The following NSUN2 variants were observed in gnomAD, a reference collection of about 807,000 sequenced individuals.
The protein encoded by NSUN2 is NOP2/Sun RNA methyltransferase 2, also known as RNA cytosine C(5)-methyltransferase NSUN2.
In NSUN2, 63 loss-of-function variants were observed where a neutral mutation model predicts 92.7. The ratio of observed to expected loss-of-function variants is 0.68; its 90% confidence interval spans 0.56 to 0.84. The LOEUF (loss-of-function observed/expected upper bound fraction) is 0.84, where lower values mean the gene tolerates loss of function less well. NSUN2 is among the 40% of genes least tolerant of loss of function. The pLI is 0.00. For missense variants in NSUN2, 989 were observed against 964.9 expected (o/e 1.02, Z -0.33); for synonymous variants, 356 against 348.3 (o/e 1.02, Z -0.25).
intron 10 of NSUN2, 147 bp from the exon 11 acceptor site, chr5:6,611,232 C>A: frequency 1.2e-6 from 1 of 858,712 alleles, no homozygotes; most frequent in Admixed American, 2.7e-5. Flanking sequence ...CAAGACAAAA[C>A]AAAACAATCT....
In NSUN2 at chr5:6,599,886, TG is replaced by T. The variant is rs779215939; in HGVS notation, c.*39del. 6.3e-7 allele frequency: 1 copy of T among 1,584,696 alleles called. No individual in the cohort carries two copies. The highest frequency in any genetic ancestry group is 1.1e-5 in the South Asian group (1 of 89,236). ...ACCAGTGACCAGAAGAAGCCAGTTT[TG>T]CGTGTGAGGGGTGTGGGCCCCCGCT... On this transcript the variant is annotated 3_prime_UTR_variant, in exon 19 of 19. Transcript: ENST00000264670.
chr5:6,606,573 C>A (rs958828022), intron 14 of NSUN2, among the ~76,000 whole-genome samples: 1 of 152,066 alleles, frequency 6.6e-6, no homozygotes, highest in African/African-American at 2.4e-5. Context: ...CCGTGAGCCA[C>A]CGCGCCCGGT....
chr5:6,614,884 C>T (rs952742145), intron 9 of NSUN2, among the ~76,000 whole-genome samples: 5 of 152,182 alleles, frequency 3.3e-5, no homozygotes, highest in African/African-American at 9.7e-5. Context: ...TGAGGACAGG[C>T]TTGTGTGGAC....
At chr5:6,604,000 A>C (rs530439707) in intron 17 of NSUN2, 138 bp downstream of exon 17, 2 of 769,354 alleles carry the variant, frequency 2.6e-6, no homozygotes, top group African/African-American at 3.5e-5. Flanking sequence ...GATCTACAGA[A>C]CCCTCTGGAA....
At position 6,607,188 on chromosome 5, in the gene NSUN2, C is replaced by A. The variant is rs1736810924; in HGVS notation, c.1508+12G>T. 6.2e-7 allele frequency: 1 copy of A among 1,613,258 alleles called. No homozygotes were observed. The highest frequency in any genetic ancestry group is 1.3e-5 in the African/African-American group (1 of 74,918). On this transcript the variant is annotated intron_variant, in intron 13 of 18. Coordinates refer to ENST00000264670, the MANE Select transcript of NSUN2 (RefSeq NM_017755.6). ...CCAGCGTATTAGATCAAGACATAAC[C>A]ACTTTTCTTACCCACACACGCCATC... is the stretch of plus-strand genomic sequence containing the variant.
chr5:6,621,958 T>C lies in NSUN2; in HGVS notation c.622+58A>G, dbSNP rs537869618. 6.0e-5 allele frequency: 86 copies of C among 1,431,078 alleles called. No homozygotes were observed. In the South Asian group the frequency reaches 8.7e-4, roughly 14 times the overall value. The allele number at this position is 1,431,078 out of a possible 1,614,324, so 88.6% of individuals were successfully genotyped here. On this transcript the variant is annotated intron_variant, in intron 6 of 18. Coordinates refer to ENST00000264670, the MANE Select transcript of NSUN2 (RefSeq NM_017755.6). ...GCAGGCAAAGTTAGAGTCTTTTCCT[T>C]GTCTACAATCTGCCAAAGTGGCATT... is the stretch of plus-strand genomic sequence containing the variant.
chr5:6,603,519 G>A (rs916702861), intron 17 of NSUN2, among the ~76,000 whole-genome samples: 13 of 152,068 alleles, frequency 8.5e-5, no homozygotes, highest in Admixed American at 3.9e-4. Flanking sequence ...GTGAAACCCC[G>A]TCTCTACTAA....
Position 6,620,113 on chromosome 5 carries a change from G to T in NSUN2, c.808C>A (p.Pro270Thr). The T allele has an allele frequency of 6.3e-7, 1 of 1,592,444 alleles. No homozygotes were observed. The highest frequency in any genetic ancestry group is 1.4e-5 in the African/African-American group (1 of 73,744). The change falls in exon 7 of 19, where the codon CCT becomes ACT. Residue 270 changes from proline (P) to threonine (T), a missense_variant. Transcript: ENST00000264670. ...LFYDRILCDV[P>T]CSGDGTMRKN... is the part of the protein sequence containing the mutation. ...GGCCAATAAGATAAATACCTGCAAG[G>T]GACATCACATAAAATTCGATCATAG...
At chr5:6,610,828 G>A (rs1402868889) in intron 11 of NSUN2, 127 bp downstream of exon 11, 1 of 1,127,370 alleles carries the variant, frequency 8.9e-7, no homozygotes, top group African/African-American at 1.5e-5. Context: ...GGTTGACCCT[G>A]GCATAACCCA....
intron 18 of NSUN2, among the ~76,000 whole-genome samples, chr5:6,602,099 G>A (rs957480609): frequency 1.3e-5 from 2 of 152,208 alleles, no homozygotes; most frequent in Admixed American, 1.3e-4. Flanking sequence ...CAACACACAT[G>A]GCTGAACCAG....
chr5:6,628,005 T>A (rs886819478), intron 3 of NSUN2, among the ~76,000 whole-genome samples: 1 of 152,208 alleles, frequency 6.6e-6, no homozygotes, highest in Non-Finnish European at 1.5e-5. Flanking sequence ...AAGGACTCTG[T>A]AAATATATAC....
At chr5:6,631,599 G>T (rs1041670925) in intron 3 of NSUN2, among the ~76,000 whole-genome samples, 7 of 152,220 alleles carry the variant, frequency 4.6e-5, no homozygotes, top group Admixed American at 4.6e-4. Context: ...GGCTGTAAAA[G>T]GGAGCTGGCG....
At position 6,612,355 on chromosome 5, in the gene NSUN2, G is replaced by A. The variant is rs372446316; in HGVS notation, c.1022-557C>T. Among the ~76,000 whole-genome samples, 4 of 152,164 alleles carry A rather than the reference G, an allele frequency of 2.6e-5. No homozygotes were observed. In the East Asian group the frequency reaches 5.8e-4, roughly 22 times the overall value. ...GAGCAATGCTGAAAATGAACTATGG[G>A]AATTTTTAAACCTCAAGTTCGTGGT... is the stretch of plus-strand genomic sequence containing the variant. On this transcript the variant is annotated intron_variant, in intron 9 of 18. Coordinates refer to ENST00000264670, the MANE Select transcript of NSUN2 (RefSeq NM_017755.6).
At chr5:6,607,493 A>T in intron 12 of NSUN2, 109 bp from the exon 13 acceptor site, 1 of 941,536 alleles carries the variant, frequency 1.1e-6, no homozygotes, top group Admixed American at 2.6e-5. Flanking sequence ...ATTTTTCTAC[A>T]GCATTATATG....
At chr5:6,631,466 T>C (rs1423984741) in intron 3 of NSUN2, among the ~76,000 whole-genome samples, 1 of 152,192 alleles carries the variant, frequency 6.6e-6, no homozygotes, top group Non-Finnish European at 1.5e-5. Context: ...CAGACAGTGG[T>C]AACCTGTCTG....
At chr5:6,627,239 C>G (rs1218567661) in intron 3 of NSUN2, among the ~76,000 whole-genome samples, 1 of 152,162 alleles carries the variant, frequency 6.6e-6, no homozygotes, top group Non-Finnish European at 1.5e-5. Flanking sequence ...TCATTAGAGG[C>G]GAAATAGTAG....
chr5:6,621,278 G>T (rs1439988892), intron 6 of NSUN2: 2 of 152,128 alleles, frequency 1.3e-5, no homozygotes, highest in Non-Finnish European at 1.5e-5. Flanking sequence ...ATTAGGATTT[G>T]AACCCAGGGA....
Position 6,632,629 on chromosome 5 carries a change from G to A in NSUN2, c.224C>T (p.Pro75Leu). The change falls in exon 2 of 19, where the codon CCG (proline) becomes CTG (leucine). Residue 75 changes from proline (P) to leucine (L), a missense_variant. Around this residue, in one of 3 missense-constraint regions of NSUN2, gnomAD observed 356 missense variants for 338.6 expected, o/e 1.05. Transcript: ENST00000264670. Reference sequence around the variant, plus strand: ...GTAACCAGTAATTCTTAAAGTGGCCGGGAGCGGCTCCCTGAGAGCGTCCAT... The same window carrying A: ...GTAACCAGTAATTCTTAAAGTGGCCAGGAGCGGCTCCCTGAGAGCGTCCAT... Reference protein sequence around the residue: ...QFMDALREPLPATLRITGYKS... With the variant: ...QFMDALREPLLATLRITGYKS... The A allele has an allele frequency of 6.2e-7, 1 of 1,614,142 alleles. No homozygotes were observed. The highest frequency in any genetic ancestry group is 1.7e-5 in the Admixed American group (1 of 60,012).
intron 7 of NSUN2, among the ~76,000 whole-genome samples, chr5:6,618,619 G>A (rs1737313355): frequency 1.3e-5 from 2 of 151,582 alleles, no homozygotes; most frequent in African/African-American, 4.9e-5. Context: ...ATTTTCCATA[G>A]TAATTTCAAT....
Sources: allele counts gnomAD v4.1 joint callset (sites outside exome capture counted in the v4.1 genomes callset), GRCh38; gene constraint gnomAD v4.1.1; regional missense constraint gnomAD v4.1.1; transcripts MANE v1.5; gene names NCBI Gene and HGNC (gene_info 2026-07-23, HGNC 2026-07-21).